The following ATP1A4 variants were observed in gnomAD, a reference collection of about 807,000 sequenced individuals.
ATP1A4 encodes ATPase Na+/K+ transporting subunit alpha 4.
A neutral mutation model predicts 114.3 loss-of-function variants in ATP1A4; 90 were observed. The observed-to-expected ratio is 0.79, with a 90% CI of 0.66 to 0.94. ATP1A4 has a LOEUF of 0.94. Ranked by LOEUF, ATP1A4 falls within the 40% of genes least tolerant of loss-of-function variation. The probability of loss-of-function intolerance (pLI) is 0.00; values close to 1 mark genes in which losing one functional copy is unlikely to be tolerated. For synonymous variants in ATP1A4, 511 were observed against 494.1 expected, an observed-to-expected ratio of 1.03 and a Z score of -0.45; for missense variants, 1,222 against 1,313.6, an observed-to-expected ratio of 0.93 and a Z score of 1.08.
Position 160,174,161 on chromosome 1 carries a change from C to A in ATP1A4, c.2042C>A (p.Ser681Tyr). 1 of 1,614,164 alleles carries A rather than the reference C, an allele frequency of 6.2e-7. No homozygotes were observed. Among genetic ancestry groups the A allele is most frequent in the Non-Finnish European group, 8.5e-7 (1 of 1,180,030 alleles). Residue 681 changes from serine (S) to tyrosine (Y), a missense_variant, in exon 14 of 22, where the codon TCC (serine) becomes TAC (tyrosine). Ser to Tyr is a moderately radical substitution (Grantham distance 144). Coordinates refer to ENST00000368081, the MANE Select transcript of ATP1A4 (RefSeq NM_144699.4). ...VHGAELKDIQSKQLDQILQNH... is the reference protein window; with the variant it reads ...VHGAELKDIQYKQLDQILQNH... ...GGTGCAGAACTGAAGGACATACAGTCCAAGCAGCTTGATCAGATCCTCCAG... is the reference window on the plus strand; with the variant it reads ...GGTGCAGAACTGAAGGACATACAGTACAAGCAGCTTGATCAGATCCTCCAG...
chr1:160,165,246 C>G (rs1652986566), intron 7 of ATP1A4, among the ~76,000 whole-genome samples: 1 of 152,154 alleles, frequency 6.6e-6, no homozygotes, highest in South Asian at 2.1e-4. Flanking sequence ...AATGTAGGGA[C>G]TAGTGATATT....
Position 160,155,139 on chromosome 1 carries a change from G to C in ATP1A4, c.302G>C (p.Cys101Ser). The C allele has an allele frequency of 6.2e-7, 1 of 1,610,540 alleles. No homozygotes were observed. ...PPTTPEWVKF[C>S]KQLFGGFSLL... ...ACCACTCCAGAATGGGTCAAATTCT[G>C]TAAGCAACTGTTCGGAGGCTTCTCC... is the stretch of plus-strand genomic sequence containing the variant. The change falls in exon 3 of 22, where the codon TGT becomes TCT. Residue 101 changes from cysteine to serine, a missense_variant. By Grantham distance (112) the Cys-to-Ser change is moderately radical. Coordinates refer to ENST00000368081, the MANE Select transcript of ATP1A4 (RefSeq NM_144699.4).
At chr1:160,163,545 C>T (rs2101632876) in intron 6 of ATP1A4, among the ~76,000 whole-genome samples, 1 of 152,288 alleles carries the variant, frequency 6.6e-6, no homozygotes, top group South Asian at 2.1e-4. Context: ...GATGAGCAGT[C>T]ATATGGAAGA....
intron 18 of ATP1A4, among the ~76,000 whole-genome samples, chr1:160,179,436 C>T (rs749992238): frequency 6.6e-6 from 1 of 152,108 alleles, no homozygotes; most frequent in Non-Finnish European, 1.5e-5. Flanking sequence ...TTAAGAATTC[C>T]CCCCTGCACA....
intron 6 of ATP1A4, among the ~76,000 whole-genome samples, chr1:160,161,788 C>T (rs1652872696): frequency 1.3e-5 from 2 of 152,178 alleles, no homozygotes; most frequent in Non-Finnish European, 2.9e-5. Context: ...TCCACATAAA[C>T]ACTGACCTGA....
intron 16 of ATP1A4, 112 bp from the exon 17 acceptor site, chr1:160,176,367 C>A: frequency 6.3e-7 from 1 of 1,583,436 alleles, no homozygotes; most frequent in Non-Finnish European, 8.6e-7. Flanking sequence ...GCTCTCGCAC[C>A]TCCTGCAAGA....
chr1:160,167,367 C>T lies in ATP1A4; in HGVS notation c.1446C>T (p.Asn482=), dbSNP rs144013520. The T allele has an allele frequency of 2.3e-4, 376 of 1,611,998 alleles. No homozygotes were observed. The highest frequency in any genetic ancestry group is 3.1e-4 in the Non-Finnish European group (360 of 1,179,582). Residue 482 remains asparagine, a synonymous_variant, in exon 10 of 22, where the codon AAC becomes AAT. Transcript: ENST00000368081. ...YSSVAEMREK[N]PKVAEIPFNS... ...CTGTGGCGGAGATGAGAGAGAAAAA[C>T]CCCAAGGTGGCAGAGATTCCCTTTA...
intron 4 of ATP1A4, among the ~76,000 whole-genome samples, chr1:160,157,665 A>T (rs1289692624): frequency 6.6e-6 from 1 of 152,228 alleles, no homozygotes; most frequent in African/African-American, 2.4e-5. Context: ...TTTTTAAGAT[A>T]AAAGATCATG....
At chr1:160,176,901 T>A (rs1653485463) in intron 17 of ATP1A4, among the ~76,000 whole-genome samples, 1 of 152,172 alleles carries the variant, frequency 6.6e-6, no homozygotes, top group Non-Finnish European at 1.5e-5. Context: ...CAGAGAGGCC[T>A]TATGCAGGAA....
At chr1:160,180,761 C>A (rs1344874302) in intron 18 of ATP1A4, among the ~76,000 whole-genome samples, 2 of 124,966 alleles carry the variant, frequency 1.6e-5, no homozygotes, top group African/African-American at 6.4e-5. Flanking sequence ...GTCGCCCAGG[C>A]TGGAGTGCAG....
intron 18 of ATP1A4, among the ~76,000 whole-genome samples, chr1:160,181,054 T>A (rs965694208): frequency 6.6e-6 from 1 of 152,036 alleles, no homozygotes; most frequent in African/African-American, 2.4e-5. Flanking sequence ...TCTTACCCTA[T>A]CCTTCTTATT....
chr1:160,159,336 C>G, intron 5 of ATP1A4, 73 bp from the exon 6 acceptor site: 1 of 1,409,750 alleles, frequency 7.1e-7, no homozygotes, highest in Non-Finnish European at 9.8e-7. Context: ...CAGATGAAGA[C>G]ATACTATTTT....
chr1:160,183,597 G>A (rs1653783233), intron 20 of ATP1A4, among the ~76,000 whole-genome samples: 1 of 152,138 alleles, frequency 6.6e-6, no homozygotes. Flanking sequence ...GAAGGGGTGG[G>A]GTGGCTGTTT....
intron 16 of ATP1A4, 59 bp from the exon 17 acceptor site, chr1:160,176,420 A>G (rs528501715): frequency 6.2e-7 from 1 of 1,611,122 alleles, no homozygotes; most frequent in African/African-American, 1.3e-5. Context: ...AGCTTGAATT[A>G]CTGCTGGGTT....
chr1:160,177,904 C>T (rs1462615818), intron 18 of ATP1A4, among the ~76,000 whole-genome samples: 1 of 152,216 alleles, frequency 6.6e-6, no homozygotes, highest in Non-Finnish European at 1.5e-5. Flanking sequence ...TGTTGTCTGG[C>T]CCTGCCTGTC....
In ATP1A4 at chr1:160,177,538, T is replaced by A; in HGVS notation, c.2610T>A (p.Ala870=). 6.2e-7 allele frequency: 1 copy of A among 1,614,170 alleles called. No individual in the cohort carries two copies. The highest frequency in any genetic ancestry group is 1.1e-5 in the South Asian group (1 of 91,080). The part of the protein sequence containing the change: ...YGQIGMIQAL[A]GFFTYFVILA... ...TCACAGGGATGATCCAGGCTCTGGC[T>A]GGATTCTTTACCTACTTTGTAATCC... is the stretch of plus-strand genomic sequence containing the variant. Residue 870 remains alanine (A), a synonymous_variant, in exon 18 of 22, where the codon GCT becomes GCA. Coordinates refer to ENST00000368081, the MANE Select transcript of ATP1A4 (RefSeq NM_144699.4).
rs779647948 is a variant in ATP1A4 at position 160,173,653 on chromosome 1, G to A, written c.1927G>A (p.Gly643Ser). 2 of 1,614,064 alleles carry A rather than the reference G, an allele frequency of 1.2e-6. No homozygotes were observed. Among genetic ancestry groups the A allele is most frequent in the Non-Finnish European group, 1.7e-6 (2 of 1,180,040 alleles). ...IAKGVGIISE[G>S]TETAEEVAAR... ...CAAGGGTGTGGGCATCATCTCAGAA[G>A]GCACTGAGACGGCAGAGGAAGTCGC... Residue 643 changes from glycine to serine, a missense_variant, in exon 13 of 22, where the codon GGC (glycine) becomes AGC (serine). Transcript: ENST00000368081.
At chr1:160,166,412 A>T in intron 7 of ATP1A4, 116 bp from the exon 8 acceptor site, 1 of 1,331,782 alleles carries the variant, frequency 7.5e-7, no homozygotes, top group Admixed American at 2.5e-5. Context: ...TGGGAACAAA[A>T]GGGAAGTAAG....
In ATP1A4 at chr1:160,181,670, C is replaced by A; in HGVS notation, c.2737-14C>A. ...CCCTTCTGACACTGTTTCCTCTCTC[C>A]CTGCTGTCTCTAGACCTATGAGCAA... On this transcript the variant is annotated splice_polypyrimidine_tract_variant and intron_variant, in intron 18 of 21. Transcript: ENST00000368081. The A allele has an allele frequency of 6.2e-7, 1 of 1,613,934 alleles. No homozygotes were observed. Among genetic ancestry groups the A allele is most frequent in the South Asian group, 1.1e-5 (1 of 91,044 alleles).
Sources: gnomAD v4.1 joint callset for allele counts (sites outside exome capture counted in the v4.1 genomes callset) on GRCh38, gnomAD v4.1.1 for gene constraint, MANE v1.5 for transcripts, NCBI Gene and HGNC (gene_info 2026-07-23, HGNC 2026-07-21) for gene names.